ROBO1: variants seen among roughly 807,000 people sequenced by gnomAD.
ROBO1 encodes the protein roundabout homolog 1.
Under a neutral mutation model 195.9 loss-of-function variants are expected in ROBO1, and 149 were observed. The observed-to-expected ratio is 0.76, with a 90% confidence interval of 0.67 to 0.87. The LOEUF (loss-of-function observed/expected upper bound fraction) is 0.87, where lower values mean the gene tolerates loss of function less well. Among genes scored for constraint, ROBO1 ranks in the 40% least tolerant of loss-of-function variants. The probability of loss-of-function intolerance (pLI) is 0.00; values close to 1 mark genes in which losing one functional copy is unlikely to be tolerated. For missense variants in ROBO1, 1,933 were observed against 2,068.3 expected (o/e 0.93, Z 1.27); for synonymous variants, 816 against 733.2 (o/e 1.11, Z -1.82).
At chr3:79,016,690 A>C (rs1030976745) in intron 3 of ROBO1, among the ~76,000 whole-genome samples, 6 of 152,166 alleles carry the variant, frequency 3.9e-5, no homozygotes, top group African/African-American at 1.4e-4. Flanking sequence ...CAACATATAC[A>C]AACTCAACTC....
chr3:79,567,282 C>A (rs546226481), intron 2 of ROBO1, among the ~76,000 whole-genome samples: 1 of 151,960 alleles, frequency 6.6e-6, no homozygotes, highest in Admixed American at 6.6e-5. Flanking sequence ...GGAAGAGTAT[C>A]GGGCACTAGG....
rs1706273532 is a variant in ROBO1 at position 78,646,184 on chromosome 3, TAA to T, written c.2844_2845del (p.Tyr949ProfsTer20). 1 of 1,607,548 alleles carries T rather than the reference TAA, an allele frequency of 6.2e-7. No homozygotes were observed. Among genetic ancestry groups the T allele is most frequent in the African/African-American group, 1.3e-5 (1 of 74,636 alleles). ...GCTGACAGCTTCGCCTCCTCTCTGG[TAA>T]GTTACTAGAATGTTACGAAAAAAAA... is the stretch of plus-strand genomic sequence containing the variant. On this transcript the variant is annotated frameshift_variant, in exon 21 of 31. Coordinates refer to ENST00000464233, the MANE Select transcript of ROBO1 (RefSeq NM_002941.4). LOFTEE classifies it high-confidence loss of function.
At chr3:79,244,801 C>T (rs867169837) in intron 2 of ROBO1, among the ~76,000 whole-genome samples, 9 of 152,044 alleles carry the variant, frequency 5.9e-5, no homozygotes, top group Admixed American at 3.9e-4. Flanking sequence ...TAGGCATATA[C>T]ATTTTAGAAA....
At chr3:79,123,268 AG>A (rs1407838951) in intron 3 of ROBO1, among the ~76,000 whole-genome samples, 2 of 151,946 alleles carry the variant, frequency 1.3e-5, no homozygotes, top group Non-Finnish European at 2.9e-5. Flanking sequence ...TCTAATATAA[AG>A]GTTCTATCTA....
At chr3:79,303,672 T>TA (rs776413010) in intron 2 of ROBO1, among the ~76,000 whole-genome samples, 13 of 152,022 alleles carry the variant, frequency 8.6e-5, no homozygotes, top group Non-Finnish European at 1.5e-4. Flanking sequence ...ACTCAGCCAT[T>TA]AAAAAAGTGT....
At chr3:79,577,141 G>A (rs956658067) in intron 2 of ROBO1, among the ~76,000 whole-genome samples, 1 of 151,216 alleles carries the variant, frequency 6.6e-6, no homozygotes, top group African/African-American at 2.4e-5. Flanking sequence ...CAATTAACAT[G>A]TAAAATAAAA....
chr3:79,039,869 A>T (rs1390322676), intron 3 of ROBO1, among the ~76,000 whole-genome samples: 2 of 147,504 alleles, frequency 1.4e-5, no homozygotes. Flanking sequence ...TCTTAGCTTC[A>T]GTCTCAGTTT....
At chr3:78,614,541 A>C (rs997415586) in intron 28 of ROBO1, 107 bp downstream of exon 28, 3 of 1,248,660 alleles carry the variant, frequency 2.4e-6, no homozygotes, top group Non-Finnish European at 3.3e-6. Flanking sequence ...ATTGTTAATA[A>C]ATTTTTAATG....
chr3:78,980,277 AC>A (rs1171049310), intron 3 of ROBO1, among the ~76,000 whole-genome samples: 1 of 152,138 alleles, frequency 6.6e-6, no homozygotes, highest in Non-Finnish European at 1.5e-5. Context: ...GGTAAGGATT[AC>A]AATCACCACT....
intron 2 of ROBO1, among the ~76,000 whole-genome samples, chr3:79,306,274 A>G (rs2033213279): frequency 6.6e-6 from 1 of 152,218 alleles, no homozygotes; most frequent in Admixed American, 6.5e-5. Flanking sequence ...GAAGGGGAAG[A>G]AGATAGGTGA....
At chr3:79,042,861 G>T (rs1195889854) in intron 3 of ROBO1, among the ~76,000 whole-genome samples, 3 of 152,044 alleles carry the variant, frequency 2.0e-5, no homozygotes, top group Non-Finnish European at 4.4e-5. Context: ...CTAAATAATT[G>T]CTTCTTAAAG....
At chr3:79,167,971 A>G (rs1266557561) in intron 2 of ROBO1, among the ~76,000 whole-genome samples, 1 of 152,230 alleles carries the variant, frequency 6.6e-6, no homozygotes, top group East Asian at 1.9e-4. Context: ...GATGATAACT[A>G]CAGACTTTTA....
At chr3:79,100,868 G>A (rs1466711844) in intron 3 of ROBO1, among the ~76,000 whole-genome samples, 1 of 151,734 alleles carries the variant, frequency 6.6e-6, no homozygotes, top group Non-Finnish European at 1.5e-5. Flanking sequence ...GAAGCTTGAG[G>A]CACCACTGTT....
At chr3:78,883,383 G>T (rs913280320) in intron 4 of ROBO1, among the ~76,000 whole-genome samples, 1 of 151,766 alleles carries the variant, frequency 6.6e-6, no homozygotes, top group Middle Eastern at 3.2e-3. Flanking sequence ...AACCACATGA[G>T]ACGCAGATAT....
At chr3:78,894,460 T>C (rs1000478126) in intron 4 of ROBO1, among the ~76,000 whole-genome samples, 5 of 152,182 alleles carry the variant, frequency 3.3e-5, no homozygotes, top group Admixed American at 2.0e-4. Flanking sequence ...CTAATCTGCT[T>C]TTTGAAATCA....
chr3:79,212,289 C>T (rs907573619), intron 2 of ROBO1, among the ~76,000 whole-genome samples: 2 of 152,088 alleles, frequency 1.3e-5, no homozygotes, highest in African/African-American at 4.8e-5. Context: ...CAGTTTGTGG[C>T]CAGATTTGGG....
At position 79,292,304 on chromosome 3, in the gene ROBO1, C is replaced by T. The variant is rs570655333; in HGVS notation, c.89-166765G>A. ...GAGATGATGGGGTTTTCTAAATATACAATCATGTCATCTGCAAACAGAGAC... is the reference window on the plus strand; with the variant it reads ...GAGATGATGGGGTTTTCTAAATATATAATCATGTCATCTGCAAACAGAGAC... On this transcript the variant is annotated intron_variant, in intron 2 of 30. Coordinates refer to ENST00000464233, the MANE Select transcript of ROBO1 (RefSeq NM_002941.4). Among the ~76,000 whole-genome samples, 226 of 152,296 alleles carry T rather than the reference C, an allele frequency of 1.5e-3. 1 individual carries two copies. Among genetic ancestry groups the T allele is most frequent in the African/African-American group, 5.1e-3 (213 of 41,562 alleles).
intron 2 of ROBO1, among the ~76,000 whole-genome samples, chr3:79,248,451 G>C (rs1254138891): frequency 6.6e-6 from 1 of 151,212 alleles, no homozygotes; most frequent in Non-Finnish European, 1.5e-5. Flanking sequence ...TAAGAACATG[G>C]GAAGAAAAAC....
At chr3:78,677,688 C>CTG (rs555043948) in intron 10 of ROBO1, among the ~76,000 whole-genome samples, 3 of 151,964 alleles carry the variant, frequency 2.0e-5, no homozygotes, top group Non-Finnish European at 4.4e-5. Flanking sequence ...TCCTGAGTGA[C>CTG]CTACAAAGAG....
Sources: allele counts gnomAD v4.1 joint callset (sites outside exome capture counted in the v4.1 genomes callset), GRCh38; gene constraint gnomAD v4.1.1; transcripts MANE v1.5; gene names NCBI Gene and HGNC (gene_info 2026-07-23, HGNC 2026-07-21).